The following SYT9 variants were observed in gnomAD, a reference collection of about 807,000 sequenced individuals.
The protein encoded by SYT9 is synaptotagmin-9.
In SYT9, 22 loss-of-function variants were observed where a neutral mutation model predicts 48.4. The observed-to-expected ratio is 0.45, with a 90% CI of 0.32 to 0.65. The LOEUF is 0.65. SYT9 is among the 30% of genes least tolerant of loss of function. The probability of loss-of-function intolerance (pLI) is 0.03; values close to 1 mark genes in which losing one functional copy is unlikely to be tolerated. For synonymous variants in SYT9, 265 were observed against 245.0 expected (o/e 1.08, Z -0.76); for missense variants, 577 against 622.0 (o/e 0.93, Z 0.77).
In SYT9 at chr11:7,468,080, T is replaced by G. The variant is rs561440683; in HGVS notation, c.*1280T>G. ...CCTAATGGTCCTCTCTGTCCCATTA[T>G]AGGTGCAAGGCACCCCATCCACACA... is the stretch of plus-strand genomic sequence containing the variant. On this transcript the variant is annotated 3_prime_UTR_variant, in exon 7 of 7. Coordinates refer to ENST00000318881, the MANE Select transcript of SYT9 (RefSeq NM_175733.4). The G allele has an allele frequency of 2.6e-6, 1 of 391,118 alleles. No homozygotes were observed. Among genetic ancestry groups the G allele is most frequent in the East Asian group, 3.6e-5 (1 of 27,492 alleles). The allele number at this position is 391,118 out of a possible 1,614,324, so 24.2% of individuals were successfully genotyped here.
intron 1 of SYT9, among the ~76,000 whole-genome samples, chr11:7,260,507 A>G (rs1396300091): frequency 1.3e-5 from 2 of 152,210 alleles, no homozygotes; most frequent in African/African-American, 2.4e-5. Context: ...AAGCCCCTGT[A>G]TGCCATTGCC....
At chr11:7,293,097 C>T (rs1422241452) in intron 1 of SYT9, among the ~76,000 whole-genome samples, 2 of 152,126 alleles carry the variant, frequency 1.3e-5, no homozygotes, top group African/African-American at 2.4e-5. Context: ...GAACTGGTCA[C>T]GCTGATGAGA....
At chr11:7,364,306 A>G (rs931379) in intron 3 of SYT9, among the ~76,000 whole-genome samples, 110,567 of 152,116 alleles carry the variant, frequency 0.73, 40,202 homozygotes, top group Admixed American at 0.77. Context: ...TGTTTTCTAC[A>G]TGAAGTCAGA....
At chr11:7,247,563 A>ATATACATATATATGTGTATATATACG (rs1564834809), upstream of SYT9, among the ~76,000 whole-genome samples, 8 of 146,774 alleles carry the variant, frequency 5.5e-5, no homozygotes, top group African/African-American at 1.8e-4. Flanking sequence ...GTATATACAC[A>ATATACATATATATGTGTATATATACG]TATATACACA....
chr11:7,250,830 G>A (rs1191750906), upstream of SYT9, among the ~76,000 whole-genome samples: 1 of 151,964 alleles, frequency 6.6e-6, no homozygotes, highest in Non-Finnish European at 1.5e-5. Flanking sequence ...ATAGTTACCA[G>A]TTCTAGAGAT....
At chr11:7,354,985 T>TA (rs908466008) in intron 3 of SYT9, among the ~76,000 whole-genome samples, 27 of 152,098 alleles carry the variant, frequency 1.8e-4, no homozygotes, top group East Asian at 5.8e-4. Flanking sequence ...ATGAAGTTGT[T>TA]AAAAAAAATG....
chr11:7,266,037 T>A (rs1053336755), intron 1 of SYT9, among the ~76,000 whole-genome samples: 1 of 152,112 alleles, frequency 6.6e-6, no homozygotes, highest in African/African-American at 2.4e-5. Context: ...GGAGGCCACA[T>A]TAGAATCACT....
intron 1 of SYT9, among the ~76,000 whole-genome samples, chr11:7,285,605 C>G (rs938397958): frequency 1.3e-5 from 2 of 152,180 alleles, no homozygotes; most frequent in African/African-American, 4.8e-5. Flanking sequence ...GCCCTTCCAA[C>G]AGTTCCCTAA....
chr11:7,446,605 A>G (rs1349119811), intron 6 of SYT9, among the ~76,000 whole-genome samples: 4 of 152,214 alleles, frequency 2.6e-5, no homozygotes, highest in African/African-American at 9.6e-5. Context: ...TTAGGAACGT[A>G]GATCCTAGCA....
intron 3 of SYT9, among the ~76,000 whole-genome samples, chr11:7,395,593 T>C (rs1846736587): frequency 6.6e-6 from 1 of 152,148 alleles, no homozygotes; most frequent in Admixed American, 6.6e-5. Flanking sequence ...CATTATGTAA[T>C]GACTTTCTTT....
At chr11:7,388,521 T>A (rs549459742) in intron 3 of SYT9, among the ~76,000 whole-genome samples, 1 of 152,262 alleles carries the variant, frequency 6.6e-6, no homozygotes, top group South Asian at 2.1e-4. Flanking sequence ...ATTTCCTTCA[T>A]TCTACTTAAT....
intron 3 of SYT9, among the ~76,000 whole-genome samples, chr11:7,410,221 G>T (rs1052493478): frequency 6.6e-6 from 1 of 152,052 alleles, no homozygotes; most frequent in Non-Finnish European, 1.5e-5. Flanking sequence ...ATATGATTTT[G>T]ATTTTTAAAA....
chr11:7,297,430 A>G (rs1434459151), intron 1 of SYT9, among the ~76,000 whole-genome samples: 1 of 152,238 alleles, frequency 6.6e-6, no homozygotes, highest in Admixed American at 6.5e-5. Flanking sequence ...TTTAGAACAC[A>G]TAACCACAAT....
intron 1 of SYT9, among the ~76,000 whole-genome samples, chr11:7,298,340 TG>T (rs1199231080): frequency 6.6e-6 from 1 of 152,238 alleles, no homozygotes. Context: ...TGTCTTTTTC[TG>T]GTTACTGCTG....
At chr11:7,308,075 CCAGGA>C (rs1373812545) in intron 2 of SYT9, among the ~76,000 whole-genome samples, 5 of 152,338 alleles carry the variant, frequency 3.3e-5, no homozygotes, top group African/African-American at 1.2e-4. Flanking sequence ...CTGTCCCTAT[CCAGGA>C]TTTCCCCTTC....
intron 3 of SYT9, among the ~76,000 whole-genome samples, chr11:7,358,119 C>T (rs1447333288): frequency 1.3e-5 from 2 of 151,556 alleles, no homozygotes; most frequent in East Asian, 1.9e-4. Flanking sequence ...ATGAGTACTG[C>T]GAAGACGAAA....
At position 7,443,031 on chromosome 11, in the gene SYT9, A is replaced by T. The variant is rs908916642; in HGVS notation, c.1467+22396A>T. Among the ~76,000 whole-genome samples the T allele has an allele frequency of 2.0e-5, 3 of 152,248 alleles. No homozygotes were observed. In the South Asian group the frequency reaches 6.2e-4, roughly 32 times the overall value. On this transcript the variant is annotated intron_variant, in intron 6 of 6. Coordinates refer to ENST00000318881, the MANE Select transcript of SYT9 (RefSeq NM_175733.4). ...GAATGAATGAGAATGAGAATGAAAG[A>T]AGGAATGAGAATGAGAGAGAGGACT...
At chr11:7,286,167 T>C (rs1246507991) in intron 1 of SYT9, among the ~76,000 whole-genome samples, 1 of 152,018 alleles carries the variant, frequency 6.6e-6, no homozygotes. Flanking sequence ...CTAGCAGAGG[T>C]TCTCCATGAG....
At chr11:7,457,820 A>G (rs1438573310) in intron 6 of SYT9, 1 of 152,202 alleles carries the variant, frequency 6.6e-6, no homozygotes, top group Admixed American at 6.5e-5. Context: ...CAGGTTGGGA[A>G]ACCCATGACC....
Sources: gnomAD v4.1 joint callset for allele counts (sites outside exome capture counted in the v4.1 genomes callset) on GRCh38, gnomAD v4.1.1 for gene constraint, MANE v1.5 for transcripts, NCBI Gene and HGNC (gene_info 2026-07-23, HGNC 2026-07-21) for gene names.